The following CFAP47 variants were observed in gnomAD, a reference collection of about 807,000 sequenced individuals.
The protein encoded by CFAP47 is cilia and flagella associated protein 47.
Under a neutral mutation model 148.1 loss-of-function variants are expected in CFAP47, and 29 were observed. That is an observed-to-expected ratio of 0.20 (90% CI 0.15 to 0.27). The LOEUF is 0.27. Ranked by LOEUF, CFAP47 falls within the 10% of genes least tolerant of loss-of-function variation. The pLI is 1.00. For missense variants in CFAP47, 1,872 were observed against 1,697.5 expected (o/e 1.10, Z -1.81); for synonymous variants, 664 against 577.3 (o/e 1.15, Z -2.15).
chrX:36,191,003 C>G (rs1555986409), intron 42 of CFAP47, among the ~76,000 whole-genome samples: 3 of 111,467 alleles, frequency 2.7e-5, no homozygotes, highest in Non-Finnish European at 3.8e-5. Flanking sequence ...ATTGTACTTA[C>G]CTGGTGTCTA....
chrX:36,106,268 T>C (rs749063619), intron 33 of CFAP47, among the ~76,000 whole-genome samples: 13 of 112,284 alleles, frequency 1.2e-4, no homozygotes, highest in Non-Finnish European at 2.3e-4. Context: ...TTAGACAAGA[T>C]TGCTCTTTGA....
At chrX:36,230,597 A>G (rs1376959547) in intron 46 of CFAP47, among the ~76,000 whole-genome samples, 1 of 108,121 alleles carries the variant, frequency 9.2e-6, no homozygotes. Flanking sequence ...TTTGCTGTGC[A>G]GAAGCTCTTG....
chrX:36,078,932 A>C lies in CFAP47; in HGVS notation c.4691+5568A>C, dbSNP rs763766049. Among the ~76,000 whole-genome samples, 5 of 110,990 alleles carry C rather than the reference A, an allele frequency of 4.5e-5. No homozygotes were observed. In the East Asian group the frequency reaches 1.1e-3, roughly 25 times the overall value. ...AAAGGATTTTATTTCTCCTTCACTT[A>C]TGAAGCTTAGTTTGGCTGGATATGA... On this transcript the variant is annotated intron_variant, in intron 29 of 63. Transcript: ENST00000378653.
intron 33 of CFAP47, among the ~76,000 whole-genome samples, chrX:36,118,843 G>T (rs1938689950): frequency 8.9e-6 from 1 of 111,953 alleles, no homozygotes. Context: ...TATTGTAAAT[G>T]ATATTACTGT....
chrX:35,968,835 C>A (rs1936447285), intron 10 of CFAP47, among the ~76,000 whole-genome samples: 1 of 110,447 alleles, frequency 9.1e-6, no homozygotes, highest in South Asian at 3.8e-4. Context: ...TAAATAATTG[C>A]CATATTATAG....
At chrX:36,218,442 T>C (rs1346799524) in intron 45 of CFAP47, among the ~76,000 whole-genome samples, 4 of 112,039 alleles carry the variant, frequency 3.6e-5, no homozygotes, top group African/African-American at 1.3e-4. Context: ...GCTAGCCATT[T>C]ACATGTATCC....
intron 24 of CFAP47, among the ~76,000 whole-genome samples, chrX:36,036,192 G>A (rs1937336265): frequency 9.1e-6 from 1 of 110,358 alleles, no homozygotes; most frequent in African/African-American, 3.3e-5. Flanking sequence ...TGTACCCTTT[G>A]ATCAACGTCT....
intron 30 of CFAP47, among the ~76,000 whole-genome samples, chrX:36,088,811 A>G (rs952237735): frequency 8.9e-6 from 1 of 111,967 alleles, no homozygotes; most frequent in Non-Finnish European, 1.9e-5. Context: ...TTCATTGAAA[A>G]TAATAAAATT....
intron 50 of CFAP47, among the ~76,000 whole-genome samples, chrX:36,282,419 G>C (rs1372885900): frequency 9.0e-6 from 1 of 111,326 alleles, no homozygotes; most frequent in African/African-American, 3.3e-5. Flanking sequence ...GGCTAAAAAA[G>C]ACTGATCTCT....
At chrX:36,141,943 G>A (rs1469684661) in intron 35 of CFAP47, among the ~76,000 whole-genome samples, 1 of 110,649 alleles carries the variant, frequency 9.0e-6, no homozygotes, top group Non-Finnish European at 1.9e-5. Context: ...CTTTCCCAGC[G>A]GCCCCATGGC....
chrX:36,380,448 AT>A (rs1179458214), intron 63 of CFAP47, among the ~76,000 whole-genome samples: 35 of 110,265 alleles, frequency 3.2e-4, no homozygotes, highest in African/African-American at 7.9e-4. Flanking sequence ...TTGATACATA[AT>A]TTTTTTTTTC....
intron 16 of CFAP47, among the ~76,000 whole-genome samples, chrX:35,991,041 A>G (rs1221551324): frequency 1.8e-5 from 2 of 111,938 alleles, no homozygotes; most frequent in African/African-American, 6.5e-5. Context: ...TAAAAACTGC[A>G]TATGTTTGTT....
Position 36,223,619 on chromosome X carries a change from A to G in CFAP47, c.6818-5009A>G, listed in dbSNP as rs1036655024. Among the ~76,000 whole-genome samples the G allele has an allele frequency of 2.7e-5, 3 of 111,027 alleles. No homozygotes were observed. The Admixed American group carries it at 2.9e-4, about 11-fold the overall frequency. On this transcript the variant is annotated intron_variant, in intron 45 of 63. Coordinates refer to ENST00000378653, the MANE Select transcript of CFAP47 (RefSeq NM_001304548.2). ...ACAATTATGACCTATTAAGGCACAA[A>G]CAAGTCTAATAAATTAGTTAATCAA...
At chrX:36,265,096 A>T (rs1556000840) in intron 49 of CFAP47, among the ~76,000 whole-genome samples, 1 of 111,384 alleles carries the variant, frequency 9.0e-6, no homozygotes, top group African/African-American at 3.3e-5. Flanking sequence ...TGTGTTTTGT[A>T]ATTCTCATTG....
intron 2 of CFAP47, 52 bp from the exon 3 acceptor site, chrX:35,941,231 A>G: frequency 3.1e-6 from 2 of 655,429 alleles, no homozygotes; most frequent in Admixed American, 6.2e-5. Context: ...TTTAGCTATC[A>G]GGCTCTTATG....
chrX:36,276,346 C>T (rs1941017503), intron 49 of CFAP47, among the ~76,000 whole-genome samples: 1 of 111,692 alleles, frequency 9.0e-6, no homozygotes, highest in Non-Finnish European at 1.9e-5. Flanking sequence ...GAGATCAGGG[C>T]TGTCACTCAA....
At chrX:35,937,335 G>T (rs6653952) in intron 2 of CFAP47, among the ~76,000 whole-genome samples, 32 of 108,301 alleles carry the variant, frequency 3.0e-4, no homozygotes, top group Non-Finnish European at 1.9e-5. Context: ...GTTTGATCCA[G>T]AAAAAGAATG....
At chrX:36,266,874 C>A (rs1940899672) in intron 49 of CFAP47, among the ~76,000 whole-genome samples, 1 of 111,300 alleles carries the variant, frequency 9.0e-6, no homozygotes, top group African/African-American at 3.3e-5. Context: ...CGTATCCTGC[C>A]ACTCAGCAAT....
intron 57 of CFAP47, among the ~76,000 whole-genome samples, chrX:36,338,515 C>T (rs1411483702): frequency 8.9e-6 from 1 of 111,768 alleles, no homozygotes; most frequent in Non-Finnish European, 1.9e-5. Flanking sequence ...AATCCATGAG[C>T]ACTGCTTGAA....
Sources: gnomAD v4.1 joint callset for allele counts (sites outside exome capture counted in the v4.1 genomes callset) on GRCh38, gnomAD v4.1.1 for gene constraint, MANE v1.5 for transcripts, NCBI Gene and HGNC (gene_info 2026-07-23, HGNC 2026-07-21) for gene names.